The following SLC25A44 variants were observed in gnomAD, a reference collection of about 807,000 sequenced individuals.
SLC25A44 encodes the protein solute carrier family 25 member 44.
Under a neutral mutation model 29.9 loss-of-function variants are expected in SLC25A44, and 17 were observed. The observed-to-expected ratio is 0.57, with a 90% confidence interval of 0.39 to 0.85. The LOEUF (loss-of-function observed/expected upper bound fraction) is 0.85, where lower values mean the gene tolerates loss of function less well. SLC25A44 is among the 40% of genes least tolerant of loss of function. The pLI is 0.00. For missense variants in SLC25A44, 302 were observed against 398.4 expected (o/e 0.76, Z 2.06); for synonymous variants, 140 against 151.8 (o/e 0.92, Z 0.57).
intron 3 of SLC25A44, among the ~76,000 whole-genome samples, 158 bp downstream of exon 3, chr1:156,208,171 G>A (rs1433507200): frequency 6.6e-6 from 1 of 152,150 alleles, no homozygotes; most frequent in Non-Finnish European, 1.5e-5. Context: ...CTTAGCATCT[G>A]CAGAAGCCAG....
At chr1:156,200,762 AT>A (rs1045898882) in intron 2 of SLC25A44, among the ~76,000 whole-genome samples, 77 of 151,644 alleles carry the variant, frequency 5.1e-4, no homozygotes, top group African/African-American at 1.8e-3. Flanking sequence ...GACAAAAGCC[AT>A]GGGATGTTTA....
rs1385657617 is a variant in SLC25A44, at chr1:156,211,016, G to C, written c.*585G>C. 1 of 152,450 alleles carries C rather than the reference G, an allele frequency of 6.6e-6. No individual in the cohort carries two copies. The highest frequency in any genetic ancestry group is 2.4e-5 in the African/African-American group (1 of 41,116). The allele number at this position is 152,450 out of a possible 1,614,324, so 9.4% of individuals were successfully genotyped here. A position where few individuals can be genotyped will look rare whatever the true frequency, so the allele number is the denominator to read the frequency against. On this transcript the variant is annotated 3_prime_UTR_variant, in exon 4 of 4. Coordinates refer to ENST00000359511, the MANE Select transcript of SLC25A44 (RefSeq NM_014655.4). ...CTCCAGAGCACTCGTCCTCTCTTTG[G>C]AGGGGTTATTAGGTTGGGAGAAATG... is the stretch of plus-strand genomic sequence containing the variant.
chr1:156,200,743 G>A lies in SLC25A44; in HGVS notation c.625+271G>A, dbSNP rs570179743. On this transcript the variant is annotated intron_variant, in intron 2 of 3. Coordinates refer to ENST00000359511, the MANE Select transcript of SLC25A44 (RefSeq NM_014655.4). ...CTGTGTGCTTTGGAGTCACTGGAAG[G>A]TGGGGGAGGACAAAAGCCATGGGAT... Among the ~76,000 whole-genome samples the A allele has an allele frequency of 8.4e-4, 128 of 152,222 alleles. 1 individual carries two copies. In the South Asian group the frequency reaches 1.0e-2, roughly 12 times the overall value.
chr1:156,212,707 T>C lies in SLC25A44; in HGVS notation c.*2276T>C, dbSNP rs1657418253. 7.5e-6 allele frequency: 2 copies of C among 266,066 alleles called. No individual in the cohort carries two copies. The highest frequency in any genetic ancestry group is 2.2e-5 in the African/African-American group (1 of 45,882). 16.5% of individuals were successfully genotyped at this position (266,066 alleles called of 1,614,324 possible). ...CAGACTCTCTGAACGTTTGATGAAA[T>C]GGACTCTTGTGAAAATTAACAGTGA... On this transcript the variant is annotated 3_prime_UTR_variant, in exon 4 of 4. Coordinates refer to ENST00000359511, the MANE Select transcript of SLC25A44 (RefSeq NM_014655.4).
At chr1:156,206,246 T>C (rs1170862891) in intron 2 of SLC25A44, among the ~76,000 whole-genome samples, 1 of 150,594 alleles carries the variant, frequency 6.6e-6, no homozygotes, top group Non-Finnish European at 1.5e-5. Flanking sequence ...TAATTTTTTT[T>C]TTTTTTTTTT....
chr1:156,204,061 A>T (rs1408759037), intron 2 of SLC25A44, among the ~76,000 whole-genome samples: 1 of 137,866 alleles, frequency 7.3e-6, no homozygotes, highest in African/African-American at 2.8e-5. Flanking sequence ...AAACTGGAGT[A>T]CAATGGCATG....
chr1:156,200,490 C>A lies in SLC25A44; in HGVS notation c.625+18C>A. 1.3e-6 allele frequency: 2 copies of A among 1,572,826 alleles called. No individual in the cohort carries two copies. The highest frequency in any genetic ancestry group is 1.7e-6 in the Non-Finnish European group (2 of 1,158,558). ...CTATGCAGGTAAGCAGGGGCCAGGA[C>A]AGTGGGGGAGGAAGGTGGGATTTCT... On this transcript the variant is annotated intron_variant, in intron 2 of 3. Coordinates refer to ENST00000359511, the MANE Select transcript of SLC25A44 (RefSeq NM_014655.4).
At position 156,211,641 on chromosome 1, in the gene SLC25A44, TCACCCAATACCAG is replaced by T. The variant is rs1173415089; in HGVS notation, c.*1211_*1223del. 1 of 152,642 alleles carries T rather than the reference TCACCCAATACCAG, an allele frequency of 6.6e-6. No homozygotes were observed. Among genetic ancestry groups the T allele is most frequent in the African/African-American group, 2.4e-5 (1 of 41,404 alleles). 9.5% of individuals were successfully genotyped at this position (152,642 alleles called of 1,614,324 possible). A position where few individuals can be genotyped will look rare whatever the true frequency, so the allele number is the denominator to read the frequency against. On this transcript the variant is annotated 3_prime_UTR_variant, in exon 4 of 4. Coordinates refer to ENST00000359511, the MANE Select transcript of SLC25A44 (RefSeq NM_014655.4). ...AGAACATAAAGAGCAGTTCAGAAAG[TCACCCAATACCAG>T]GACCACTGCATTTACCAGCCTGATA...
rs751855522 is a variant in SLC25A44, at chr1:156,198,640, G to A, written c.-13-1195G>A. Reference sequence around the variant, plus strand: ...ACTTATTTTTATATATTGTAGAGACGGAGTCTCCCTATGTTGCCTAGGCTG... The same window carrying A: ...ACTTATTTTTATATATTGTAGAGACAGAGTCTCCCTATGTTGCCTAGGCTG... On this transcript the variant is annotated intron_variant, in intron 1 of 3. Transcript: ENST00000359511. This position sits in a 1 kb window ranked among gnomAD's most constrained non-coding sequence, Gnocchi z 4.1. 2.0e-5 allele frequency: 3 copies of A among 152,050 alleles called. No individual in the cohort carries two copies. Among genetic ancestry groups the A allele is most frequent in the Non-Finnish European group, 2.9e-5 (2 of 67,994 alleles). The allele number at this position is 152,050 out of a possible 1,614,324, so 9.4% of individuals were successfully genotyped here.
chr1:156,200,814 T>G (rs967297593), intron 2 of SLC25A44, among the ~76,000 whole-genome samples: 1 of 149,480 alleles, frequency 6.7e-6, no homozygotes. Flanking sequence ...GCTTTTGACT[T>G]GGATGTTTTC....
At chr1:156,203,765 G>A (rs1382573581) in intron 2 of SLC25A44, among the ~76,000 whole-genome samples, 2 of 144,590 alleles carry the variant, frequency 1.4e-5, no homozygotes, top group East Asian at 4.1e-4. Flanking sequence ...GTGCAGTGGC[G>A]CGATCTCGGC....
Position 156,210,379 on chromosome 1 carries a change from G to A in SLC25A44, c.893G>A (p.Ser298Asn), listed in dbSNP as rs1393677242. The change falls in exon 4 of 4, where the codon AGC becomes AAC. Residue 298 changes from serine (S) to asparagine (N), a missense_variant. Coordinates refer to ENST00000359511, the MANE Select transcript of SLC25A44 (RefSeq NM_014655.4). ...STIVIVVGYE[S>N]LKKLSLRPEL... The stretch of plus-strand genomic sequence containing the variant: ...ATTGTCATTGTGGTGGGCTATGAGA[G>A]CCTCAAGAAACTCAGCCTCCGACCT... 6.2e-7 allele frequency: 1 copy of A among 1,604,846 alleles called. No homozygotes were observed. Among genetic ancestry groups the A allele is most frequent in the Admixed American group, 1.7e-5 (1 of 58,284 alleles).
chr1:156,212,350 C>T lies in SLC25A44; in HGVS notation c.*1919C>T, dbSNP rs900531736. 2.6e-5 allele frequency: 4 copies of T among 152,380 alleles called. No homozygotes were observed. The highest frequency in any genetic ancestry group is 2.6e-4 in the Admixed American group (4 of 15,280). The allele number at this position is 152,380 out of a possible 1,614,324, so 9.4% of individuals were successfully genotyped here. A position where few individuals can be genotyped will look rare whatever the true frequency, so the allele number is the denominator to read the frequency against. ...TCACGGACAGGAGGTAGGATCCTGC[C>T]GCTCGCGTCTTAGTGTTTCTCCCTC... On this transcript the variant is annotated 3_prime_UTR_variant, in exon 4 of 4. Transcript: ENST00000359511.
chr1:156,207,353 G>C (rs1458996199), intron 2 of SLC25A44, among the ~76,000 whole-genome samples: 1 of 152,032 alleles, frequency 6.6e-6, no homozygotes, highest in Non-Finnish European at 1.5e-5. Flanking sequence ...AATTTTCTTT[G>C]TATTTTTAGT....
In SLC25A44 at chr1:156,212,707, T is replaced by G; in HGVS notation, c.*2276T>G. On this transcript the variant is annotated 3_prime_UTR_variant, in exon 4 of 4. Coordinates refer to ENST00000359511, the MANE Select transcript of SLC25A44 (RefSeq NM_014655.4). ...CAGACTCTCTGAACGTTTGATGAAA[T>G]GGACTCTTGTGAAAATTAACAGTGA... The G allele has an allele frequency of 3.8e-6, 1 of 266,184 alleles. No individual in the cohort carries two copies. Among genetic ancestry groups the G allele is most frequent in the Admixed American group, 4.8e-5 (1 of 20,776 alleles). The allele number at this position is 266,184 out of a possible 1,614,324, so 16.5% of individuals were successfully genotyped here. A position where few individuals can be genotyped will look rare whatever the true frequency, so the allele number is the denominator to read the frequency against.
At chr1:156,203,726 C>CA (rs1429546766) in intron 2 of SLC25A44, among the ~76,000 whole-genome samples, 5 of 101,520 alleles carry the variant, frequency 4.9e-5, no homozygotes, top group Non-Finnish European at 8.8e-5. Context: ...TTTTTTGAGA[C>CA]AGAGTCTCAC....
intron 2 of SLC25A44, 45 bp from the exon 3 acceptor site, chr1:156,207,841 G>C (rs1355173094): frequency 6.2e-7 from 1 of 1,610,210 alleles, no homozygotes; most frequent in South Asian, 1.1e-5. Flanking sequence ...AGGGCAGACC[G>C]GTGGTGCTTT....
chr1:156,204,652 A>G (rs1030914809), intron 2 of SLC25A44, among the ~76,000 whole-genome samples: 20 of 151,020 alleles, frequency 1.3e-4, no homozygotes, highest in African/African-American at 4.4e-4. Context: ...ACACCCGGCA[A>G]ATTTTTTGTA....
Position 156,207,908 on chromosome 1 carries a change from T to G in SLC25A44, c.648T>G (p.Pro216=). Residue 216 remains proline (P), a synonymous_variant, in exon 3 of 4, where the codon CCT becomes CCG. Coordinates refer to ENST00000359511, the MANE Select transcript of SLC25A44 (RefSeq NM_014655.4). ...CAGAGCAGCTCTCCTACCTGTGTCC[T>G]AAGGAGTGCCCTCACATTGTCTTTC... The part of the protein sequence containing the change: ...FYAEQLSYLC[P]KECPHIVFQA... 6.2e-7 allele frequency: 1 copy of G among 1,613,970 alleles called. No individual in the cohort carries two copies. The highest frequency in any genetic ancestry group is 8.5e-7 in the Non-Finnish European group (1 of 1,179,884).
Sources: allele counts gnomAD v4.1 joint callset (sites outside exome capture counted in the v4.1 genomes callset), GRCh38; gene constraint gnomAD v4.1.1; non-coding constraint Gnocchi (gnomAD v3.1); transcripts MANE v1.5; gene names NCBI Gene and HGNC (gene_info 2026-07-23, HGNC 2026-07-21).